The following MAGI2 variants were observed in gnomAD, a reference collection of about 807,000 sequenced individuals.
MAGI2 encodes the protein membrane-associated guanylate kinase, WW and PDZ domain-containing protein 2.
MAGI2 carries 35 observed loss-of-function variants against 133.3 expected under a neutral mutation model. The ratio of observed to expected loss-of-function variants is 0.26; its 90% CI spans 0.20 to 0.35. The LOEUF (loss-of-function observed/expected upper bound fraction) is 0.35, where lower values mean the gene tolerates loss of function less well. Ranked by LOEUF, MAGI2 falls within the 10% of genes least tolerant of loss-of-function variation. The probability of loss-of-function intolerance (pLI) is 1.00; values close to 1 mark genes in which losing one functional copy is unlikely to be tolerated. For missense variants in MAGI2, 1,636 were observed against 1,863.4 expected, an observed-to-expected ratio of 0.88 and a Z score of 2.25; for synonymous variants, 729 against 710.6, an observed-to-expected ratio of 1.03 and a Z score of -0.41.
intron 1 of MAGI2, among the ~76,000 whole-genome samples, chr7:79,395,460 T>G (rs1844978696): frequency 6.6e-6 from 1 of 152,178 alleles, no homozygotes; most frequent in Non-Finnish European, 1.5e-5. Context: ...TAACGTGATA[T>G]AAGAGGAACA....
intron 2 of MAGI2, among the ~76,000 whole-genome samples, chr7:78,659,388 G>A (rs1422958101): frequency 1.7e-5 from 2 of 116,374 alleles, no homozygotes; most frequent in African/African-American, 6.8e-5. Context: ...TCGTGCCACT[G>A]CACTCCAGCC....
chr7:79,148,012 T>C (rs1237341437), intron 1 of MAGI2, among the ~76,000 whole-genome samples: 1 of 152,164 alleles, frequency 6.6e-6, no homozygotes, highest in Non-Finnish European at 1.5e-5. Flanking sequence ...AGAGATGGAA[T>C]GGAGGCTTTC....
At chr7:78,249,332 T>A (rs568940285) in intron 10 of MAGI2, among the ~76,000 whole-genome samples, 1 of 152,210 alleles carries the variant, frequency 6.6e-6, no homozygotes, top group South Asian at 2.1e-4. Flanking sequence ...AAAATAGAAC[T>A]ACTACATGAT....
chr7:78,449,942 A>G (rs1006849494), intron 6 of MAGI2, among the ~76,000 whole-genome samples: 1 of 152,232 alleles, frequency 6.6e-6, no homozygotes, highest in African/African-American at 2.4e-5. Context: ...GGCTTTCGAT[A>G]ACACTGTCTT....
chr7:79,172,039 A>G (rs1298662851), intron 1 of MAGI2, among the ~76,000 whole-genome samples: 1 of 151,570 alleles, frequency 6.6e-6, no homozygotes, highest in African/African-American at 2.4e-5. Flanking sequence ...CTTCTAAACC[A>G]CCCAGCAGCT....
chr7:78,019,089 A>C lies in MAGI2; in HGVS notation c.*226T>G, dbSNP rs1808018484. The C allele has an allele frequency of 2.1e-6, 1 of 466,786 alleles. No individual in the cohort carries two copies. The highest frequency in any genetic ancestry group is 3.8e-6 in the Non-Finnish European group (1 of 265,516). The allele number at this position is 466,786 out of a possible 1,614,324, so 28.9% of individuals were successfully genotyped here. A position where few individuals can be genotyped will look rare whatever the true frequency, so the allele number is the denominator to read the frequency against. ...TATTTTGGTTCTTCCATAGCTGCCAAAGCCCCCACAAGGGAACCGGGGGCT... is the reference window on the plus strand; with the variant it reads ...TATTTTGGTTCTTCCATAGCTGCCACAGCCCCCACAAGGGAACCGGGGGCT... On this transcript the variant is annotated 3_prime_UTR_variant, in exon 22 of 22. Transcript: ENST00000354212.
chr7:78,517,286 GC>G (rs1318954464), intron 4 of MAGI2, among the ~76,000 whole-genome samples: 9 of 152,134 alleles, frequency 5.9e-5, no homozygotes, highest in Non-Finnish European at 8.8e-5. Context: ...ACTGCTATGA[GC>G]CTAGTAAAAG....
chr7:78,247,079 C>T (rs1791875631), intron 10 of MAGI2, among the ~76,000 whole-genome samples: 1 of 152,144 alleles, frequency 6.6e-6, no homozygotes, highest in Admixed American at 6.5e-5. Flanking sequence ...TCCTGGAGCC[C>T]AGTGCTGCTG....
chr7:79,213,601 C>G (rs1469962705), intron 1 of MAGI2, among the ~76,000 whole-genome samples: 1 of 152,002 alleles, frequency 6.6e-6, no homozygotes, highest in Non-Finnish European at 1.5e-5. Flanking sequence ...TATCTAACAT[C>G]TCAGTCTAGA....
At chr7:79,092,451 C>T (rs897263039) in intron 1 of MAGI2, among the ~76,000 whole-genome samples, 1 of 140,004 alleles carries the variant, frequency 7.1e-6, no homozygotes. Context: ...AAAGACCAAA[C>T]AAACCTATAG....
intron 2 of MAGI2, among the ~76,000 whole-genome samples, chr7:78,658,447 C>A (rs1349807366): frequency 2.6e-5 from 4 of 152,076 alleles, no homozygotes; most frequent in Non-Finnish European, 5.9e-5. Context: ...AAAAGCACAA[C>A]CCATAGAAGG....
chr7:78,814,349 T>G (rs1220685986), intron 2 of MAGI2, among the ~76,000 whole-genome samples: 1 of 152,134 alleles, frequency 6.6e-6, no homozygotes, highest in Admixed American at 6.5e-5. Context: ...ATAATAGCGG[T>G]ATAATCTGTA....
At chr7:79,079,491 G>C (rs775732175) in intron 1 of MAGI2, among the ~76,000 whole-genome samples, 6 of 152,132 alleles carry the variant, frequency 3.9e-5, no homozygotes, top group Non-Finnish European at 5.9e-5. Context: ...CTTAAAAACA[G>C]AAAATTTGAT....
intron 1 of MAGI2, chr7:79,009,205 T>C (rs903007500): frequency 1.3e-5 from 2 of 152,116 alleles, no homozygotes; most frequent in South Asian, 2.1e-4. Flanking sequence ...CCTAAAAATA[T>C]ATTATCAGTT....
intron 9 of MAGI2, among the ~76,000 whole-genome samples, chr7:78,332,182 G>C (rs142875154): frequency 6.6e-6 from 1 of 152,292 alleles, no homozygotes; most frequent in East Asian, 1.9e-4. Context: ...GAATAAAGAG[G>C]ACTGTGCAAG....
chr7:78,915,954 T>C (rs755431623), intron 2 of MAGI2, among the ~76,000 whole-genome samples: 2 of 152,098 alleles, frequency 1.3e-5, no homozygotes, highest in Non-Finnish European at 2.9e-5. Flanking sequence ...GGAAGGAGCC[T>C]GACAATATAT....
intron 10 of MAGI2, among the ~76,000 whole-genome samples, chr7:78,214,925 C>T (rs1788119817): frequency 6.6e-6 from 1 of 152,180 alleles, no homozygotes; most frequent in African/African-American, 2.4e-5. Flanking sequence ...ACTTCCCAGG[C>T]AGAAGAAAAG....
At chr7:79,430,129 T>A (rs1023691619) in intron 1 of MAGI2, among the ~76,000 whole-genome samples, 1 of 152,174 alleles carries the variant, frequency 6.6e-6, no homozygotes, top group Non-Finnish European at 1.5e-5. Context: ...CATAAATTAG[T>A]ATTTGCTAAA....
At chr7:79,413,221 CT>C (rs1435204271) in intron 1 of MAGI2, 11 of 152,084 alleles carry the variant, frequency 7.2e-5, no homozygotes, top group Admixed American at 2.0e-4. Context: ...TATATTGCAG[CT>C]TTGATCTTAT....
Sources: allele counts gnomAD v4.1 joint callset (sites outside exome capture counted in the v4.1 genomes callset), GRCh38; gene constraint gnomAD v4.1.1; transcripts MANE v1.5; gene names NCBI Gene and HGNC (gene_info 2026-07-23, HGNC 2026-07-21).